Variants in WDPCP observed in about 807,000 individuals in gnomAD.
The protein encoded by WDPCP is WD repeat containing planar cell polarity effector, also known as WD repeat-containing and planar cell polarity effector protein fritz homolog.
WDPCP carries 71 observed loss-of-function variants against 93.1 expected under a neutral mutation model. The ratio of observed to expected loss-of-function variants is 0.76; its 90% CI spans 0.63 to 0.93. The LOEUF (loss-of-function observed/expected upper bound fraction) is 0.93, where lower values mean the gene tolerates loss of function less well. WDPCP is among the 40% of genes least tolerant of loss of function. The pLI, the probability that WDPCP is intolerant of heterozygous loss-of-function variation, is 0.00. For synonymous variants in WDPCP, 315 were observed against 315.0 expected, an observed-to-expected ratio of 1.00 and a Z score of 0.00; for missense variants, 844 against 887.4, an observed-to-expected ratio of 0.95 and a Z score of 0.62.
At chr2:63,286,939 G>A (rs549751583) in intron 13 of WDPCP, among the ~76,000 whole-genome samples, 1 of 152,276 alleles carries the variant, frequency 6.6e-6, no homozygotes, top group African/African-American at 2.4e-5. Flanking sequence ...ATACCACAGA[G>A]TGGGCGGCCT....
At chr2:63,190,948 A>G (rs1674996354) in intron 14 of WDPCP, among the ~76,000 whole-genome samples, 1 of 152,198 alleles carries the variant, frequency 6.6e-6, no homozygotes, top group African/African-American at 2.4e-5. Flanking sequence ...AATTTGAATT[A>G]TTGCTCGGAA....
chr2:63,353,708 CT>C (rs1689799639), intron 12 of WDPCP, among the ~76,000 whole-genome samples: 1 of 152,128 alleles, frequency 6.6e-6, no homozygotes, highest in South Asian at 2.1e-4. Flanking sequence ...CTACAGGTGT[CT>C]TTGGGCTGGC....
chr2:63,402,608 C>T (rs1185555606), intron 10 of WDPCP, among the ~76,000 whole-genome samples: 2 of 152,080 alleles, frequency 1.3e-5, no homozygotes, highest in African/African-American at 2.4e-5. Context: ...GAAGTGCAAA[C>T]CAAAACCACA....
chr2:63,768,241 G>A (rs1208671839), intron 2 of WDPCP, among the ~76,000 whole-genome samples: 1 of 151,608 alleles, frequency 6.6e-6, no homozygotes, highest in African/African-American at 2.4e-5. Context: ...ACATGTGTAG[G>A]CCTATTTCTG....
rs147164845 is a variant in WDPCP, at chr2:63,676,565, C to A, written n.309-25727G>T. 8.8e-3 allele frequency among the ~76,000 whole-genome samples: 1,339 copies of A among 151,356 alleles called. 12 individuals are homozygous for A. The highest frequency in any genetic ancestry group is 0.013 in the Non-Finnish European group (874 of 67,772). Reference sequence around the variant, plus strand: ...ACAAAATTATGCTGAGTGAAAAGAACCAAAAACAAAAAAAAAGGATACATA... The same window carrying A: ...ACAAAATTATGCTGAGTGAAAAGAAACAAAAACAAAAAAAAAGGATACATA... On this transcript the variant is annotated intron_variant and non_coding_transcript_variant, in intron 2 of 4. Coordinates refer to the WDPCP transcript ENST00000467687.
chr2:63,420,084 A>T (rs1046399737), intron 9 of WDPCP, among the ~76,000 whole-genome samples: 2 of 152,158 alleles, frequency 1.3e-5, no homozygotes, highest in African/African-American at 4.8e-5. Context: ...TTTAAAAGGT[A>T]CACTTTATTT....
At chr2:63,485,310 A>G (rs1033196254) in intron 4 of WDPCP, among the ~76,000 whole-genome samples, 29 of 151,778 alleles carry the variant, frequency 1.9e-4, no homozygotes, top group Non-Finnish European at 1.8e-4. Context: ...GTAAATAATT[A>G]AATGTTCAAT....
intron 15 of WDPCP, among the ~76,000 whole-genome samples, chr2:63,160,088 C>T (rs548233269): frequency 2.6e-4 from 39 of 152,224 alleles, no homozygotes; most frequent in Admixed American, 1.3e-3. Flanking sequence ...TGTCTTCGTC[C>T]TTATTTCTTC....
At chr2:63,362,406 TTTG>T (rs752150753) in intron 12 of WDPCP, among the ~76,000 whole-genome samples, 5 of 151,440 alleles carry the variant, frequency 3.3e-5, no homozygotes, top group East Asian at 1.9e-4. Flanking sequence ...GACTAGAAAA[TTTG>T]TTATTATTAT....
intron 1 of WDPCP, among the ~76,000 whole-genome samples, chr2:63,824,384 C>CA (rs67700613): frequency 1.4e-5 from 2 of 144,314 alleles, no homozygotes; most frequent in Non-Finnish European, 3.0e-5. Flanking sequence ...CCTATCTCTA[C>CA]AAAAAAAAAA....
At chr2:63,331,409 G>C (rs1687966215) in intron 12 of WDPCP, among the ~76,000 whole-genome samples, 1 of 152,108 alleles carries the variant, frequency 6.6e-6, no homozygotes, top group Non-Finnish European at 1.5e-5. Context: ...GCTATTTCAT[G>C]GAACAGTCTG....
intron 9 of WDPCP, among the ~76,000 whole-genome samples, chr2:63,430,369 T>C (rs1268193393): frequency 2.0e-5 from 3 of 152,064 alleles, no homozygotes; most frequent in Non-Finnish European, 4.4e-5. Context: ...ACCTCCCAAT[T>C]CTAAAATAAG....
chr2:63,363,023 C>T (rs1690603168), intron 12 of WDPCP, among the ~76,000 whole-genome samples: 1 of 152,060 alleles, frequency 6.6e-6, no homozygotes, highest in Non-Finnish European at 1.5e-5. Context: ...TTAATTACCA[C>T]TGTTCACATC....
At chr2:63,757,082 A>T (rs1669983279) in intron 2 of WDPCP, among the ~76,000 whole-genome samples, 1 of 152,224 alleles carries the variant, frequency 6.6e-6, no homozygotes, top group Non-Finnish European at 1.5e-5. Flanking sequence ...TTGGTTATAT[A>T]TGAGAAATTT....
intron 2 of WDPCP, among the ~76,000 whole-genome samples, chr2:63,667,884 T>C (rs1346098600): frequency 6.6e-6 from 1 of 152,160 alleles, no homozygotes; most frequent in Non-Finnish European, 1.5e-5. Context: ...TCCCTTCTCA[T>C]ATGTTTCTTA....
At chr2:63,724,296 A>T (rs1669467458) in intron 2 of WDPCP, among the ~76,000 whole-genome samples, 1 of 152,196 alleles carries the variant, frequency 6.6e-6, no homozygotes, top group African/African-American at 2.4e-5. Context: ...TAATAGACTT[A>T]AAAAATGGTC....
chr2:63,559,494 C>T (rs1706414516), intron 1 of WDPCP, among the ~76,000 whole-genome samples: 1 of 152,194 alleles, frequency 6.6e-6, no homozygotes, highest in Admixed American at 6.5e-5. Context: ...TCTCTGTTTG[C>T]AGATGACATG....
At chr2:63,182,403 T>A (rs970243749) in intron 14 of WDPCP, among the ~76,000 whole-genome samples, 1 of 152,064 alleles carries the variant, frequency 6.6e-6, no homozygotes, top group African/African-American at 2.4e-5. Flanking sequence ...TTGAGATATT[T>A]ATATAGTTTG....
chr2:63,706,478 T>C (rs1575752963), intron 2 of WDPCP, among the ~76,000 whole-genome samples: 3 of 152,184 alleles, frequency 2.0e-5, no homozygotes, highest in East Asian at 3.8e-4. Flanking sequence ...GGAGCTCTTT[T>C]AGGGCAGGCC....
Sources: allele counts gnomAD v4.1 joint callset (sites outside exome capture counted in the v4.1 genomes callset), GRCh38; gene constraint gnomAD v4.1.1; transcripts MANE v1.5; gene names NCBI Gene and HGNC (gene_info 2026-07-23, HGNC 2026-07-21).